The following PTPRN2 variants were observed in gnomAD, a reference collection of about 807,000 sequenced individuals.
PTPRN2 encodes the protein receptor-type tyrosine-protein phosphatase N2.
In PTPRN2, 74 loss-of-function variants were observed where a neutral mutation model predicts 118.8. The observed-to-expected ratio is 0.62, with a 90% confidence interval of 0.52 to 0.76. The LOEUF (loss-of-function observed/expected upper bound fraction) is 0.76. Ranked by LOEUF, PTPRN2 falls within the 30% of genes least tolerant of loss-of-function variation. The pLI is 0.00. For missense variants in PTPRN2, 1,481 were observed against 1,394.4 expected (o/e 1.06, Z -0.99); for synonymous variants, 641 against 608.0 (o/e 1.05, Z -0.80).
chr7:158,257,750 G>A (rs947488430), intron 3 of PTPRN2, among the ~76,000 whole-genome samples: 4 of 152,236 alleles, frequency 2.6e-5, no homozygotes, highest in East Asian at 3.9e-4. Flanking sequence ...CCAGCCCCAC[G>A]GCGCTGACCT....
At chr7:158,550,849 G>A (rs1159733459) in intron 1 of PTPRN2, among the ~76,000 whole-genome samples, 2 of 152,150 alleles carry the variant, frequency 1.3e-5, no homozygotes, top group African/African-American at 2.4e-5. Context: ...GGGAGATGTC[G>A]TGAAGCTTTT....
intron 2 of PTPRN2, among the ~76,000 whole-genome samples, chr7:158,421,277 G>A (rs1333974893): frequency 2.6e-5 from 4 of 152,166 alleles, no homozygotes; most frequent in Non-Finnish European, 5.9e-5. Flanking sequence ...CTCAGCCTGT[G>A]GATATTAGTG....
intron 12 of PTPRN2, among the ~76,000 whole-genome samples, chr7:157,767,251 C>T (rs1031582009): frequency 7.9e-5 from 12 of 152,160 alleles, no homozygotes; most frequent in African/African-American, 2.7e-4. Flanking sequence ...GGCTTATGAA[C>T]GCCTTGTACC....
At chr7:157,651,223 C>T (rs1320788445) in intron 14 of PTPRN2, among the ~76,000 whole-genome samples, 2 of 152,182 alleles carry the variant, frequency 1.3e-5, no homozygotes, top group African/African-American at 4.8e-5. Context: ...TCCTGCAATG[C>T]CTAACTTTTC....
At position 157,819,377 on chromosome 7, in the gene PTPRN2, C is replaced by A. The variant is rs111818549; in HGVS notation, c.1788+79296G>T. The stretch of plus-strand genomic sequence containing the variant: ...CTGGCTCTGTCGGCTCGAGTCTGAG[C>A]CCATCCGTCAGCGTCAATTAGGAAG... On this transcript the variant is annotated intron_variant, in intron 12 of 22. Coordinates refer to ENST00000389418, the MANE Select transcript of PTPRN2 (RefSeq NM_002847.5). 4.6e-5 allele frequency among the ~76,000 whole-genome samples: 7 copies of A among 152,336 alleles called. 2 individuals carry two copies. The highest frequency in any genetic ancestry group is 1.7e-4 in the African/African-American group (7 of 41,574).
chr7:157,584,126 T>G (rs1411697418), intron 17 of PTPRN2, among the ~76,000 whole-genome samples: 1 of 152,014 alleles, frequency 6.6e-6, no homozygotes, highest in Non-Finnish European at 1.5e-5. Flanking sequence ...CATAGTGAGA[T>G]CCCATCTCTG....
chr7:158,408,536 T>A (rs1253976866), intron 2 of PTPRN2, among the ~76,000 whole-genome samples: 1 of 152,222 alleles, frequency 6.6e-6, no homozygotes, highest in Non-Finnish European at 1.5e-5. Context: ...AGGAAGCAGA[T>A]GTTCATTACT....
chr7:157,751,834 A>G (rs554160255), intron 12 of PTPRN2, among the ~76,000 whole-genome samples: 1 of 151,322 alleles, frequency 6.6e-6, no homozygotes, highest in East Asian at 2.0e-4. Context: ...CAGGCCTTCT[A>G]AAGAGAGAGG....
chr7:157,915,359 G>C (rs991592426), intron 11 of PTPRN2, among the ~76,000 whole-genome samples: 14 of 152,260 alleles, frequency 9.2e-5, no homozygotes, highest in African/African-American at 1.4e-4. Flanking sequence ...AGATGTTGTG[G>C]CTGTCCAGGC....
At chr7:158,532,936 C>A in intron 1 of PTPRN2, 1 of 399,282 alleles carries the variant, frequency 2.5e-6, no homozygotes, top group Non-Finnish European at 5.2e-6. Flanking sequence ...ACTGGCCTCT[C>A]TCTACCAAGC....
chr7:157,819,270 T>C (rs1806642704), intron 12 of PTPRN2, among the ~76,000 whole-genome samples: 1 of 152,098 alleles, frequency 6.6e-6, no homozygotes, highest in Non-Finnish European at 1.5e-5. Context: ...CCCCCATGCC[T>C]CATCAGCATG....
At chr7:158,297,572 C>A (rs1800590444) in intron 3 of PTPRN2, among the ~76,000 whole-genome samples, 1 of 152,148 alleles carries the variant, frequency 6.6e-6, no homozygotes, top group Non-Finnish European at 1.5e-5. Context: ...GACTACAAAA[C>A]CCAGCAGTAA....
At chr7:158,274,525 G>A (rs1310172813) in intron 3 of PTPRN2, among the ~76,000 whole-genome samples, 3 of 151,188 alleles carry the variant, frequency 2.0e-5, no homozygotes, top group Non-Finnish European at 2.9e-5. Context: ...CGGGGGAGCC[G>A]CAGGCACAGG....
At chr7:158,530,724 C>T (rs1825158709) in intron 1 of PTPRN2, among the ~76,000 whole-genome samples, 1 of 152,212 alleles carries the variant, frequency 6.6e-6, no homozygotes, top group South Asian at 2.1e-4. Context: ...TGCAAAGACC[C>T]AGACCACAAA....
rs58192875 is a variant in PTPRN2 at position 158,040,736 on chromosome 7, C to CTTT, written c.1723+40559_1723+40561dup. ...TTGATCTGCCTTTCTTTTTTTCTTT[C>CTTT]TTTTTTTTTTTTTTGAGATGGAATC... On this transcript the variant is annotated intron_variant, in intron 11 of 22. Coordinates refer to ENST00000389418, the MANE Select transcript of PTPRN2 (RefSeq NM_002847.5). 2.5e-4 allele frequency among the ~76,000 whole-genome samples: 35 copies of CTTT among 142,204 alleles called. 1 individual carries two copies. Among genetic ancestry groups the CTTT allele is most frequent in the Non-Finnish European group, 3.2e-4 (21 of 65,906 alleles). The allele number at this position is 142,204 out of a possible 152,430, so 93.3% of individuals were successfully genotyped here. A position where few individuals can be genotyped will look rare whatever the true frequency, so the allele number is the denominator to read the frequency against.
At position 158,188,449 on chromosome 7, in the gene PTPRN2, G is replaced by GT. The variant is rs1491315472; in HGVS notation, c.549+3877_549+3878insA. Among the ~76,000 whole-genome samples the GT allele has an allele frequency of 1.0e-3, 5 of 4,824 alleles. 2 individuals carry two copies. The highest frequency in any genetic ancestry group is 8.4e-3 in the African/African-American group (4 of 476). The allele number at this position is 4,824 out of a possible 152,430, so 3.2% of individuals were successfully genotyped here. A position where few individuals can be genotyped will look rare whatever the true frequency, so the allele number is the denominator to read the frequency against. On this transcript the variant is annotated intron_variant, in intron 5 of 22. Transcript: ENST00000389418. ...GGGGAAGGCCGCCACGCTCGCCCCC[G>GT]ATGGGGAAGGCCGCCACGCTCGCCG...
At chr7:157,586,445 G>C (rs1800679674) in intron 17 of PTPRN2, among the ~76,000 whole-genome samples, 1 of 152,210 alleles carries the variant, frequency 6.6e-6, no homozygotes, top group African/African-American at 2.4e-5. Flanking sequence ...GAGCTGCAGG[G>C]ACTGGGGGAC....
chr7:158,248,819 C>T (rs1303838962), intron 3 of PTPRN2, among the ~76,000 whole-genome samples: 2 of 13,644 alleles, frequency 1.5e-4, no homozygotes, highest in South Asian at 2.1e-3. Context: ...TGCACACATG[C>T]CACACGCATG....
chr7:157,844,124 C>G (rs1482652585), intron 12 of PTPRN2, among the ~76,000 whole-genome samples: 1 of 151,636 alleles, frequency 6.6e-6, no homozygotes, highest in Non-Finnish European at 1.5e-5. Flanking sequence ...GTGTGGAATG[C>G]AGGCCCCTCC....
Sources: allele counts gnomAD v4.1 joint callset (sites outside exome capture counted in the v4.1 genomes callset), GRCh38; gene constraint gnomAD v4.1.1; transcripts MANE v1.5; gene names NCBI Gene and HGNC (gene_info 2026-07-23, HGNC 2026-07-21).